Variants in GJB7 observed in about 807,000 individuals in gnomAD.
GJB7 encodes gap junction protein beta 7.
For missense variants in GJB7, 253 were observed against 256.8 expected (o/e 0.99, Z 0.10); for synonymous variants, 87 against 95.2 (o/e 0.91, Z 0.50).
At chr6:87,323,314 T>C (rs1200627946) in intron 1 of GJB7, among the ~76,000 whole-genome samples, 1 of 152,210 alleles carries the variant, frequency 6.6e-6, no homozygotes, top group Non-Finnish European at 1.5e-5. Context: ...AGGGTACATG[T>C]GCACAATGTG....
chr6:87,305,783 A>T (rs1256947565), intron 2 of GJB7, among the ~76,000 whole-genome samples: 2 of 152,234 alleles, frequency 1.3e-5, no homozygotes, highest in Non-Finnish European at 2.9e-5. Context: ...ACTATACTAC[A>T]AGGCTACGGT....
At chr6:87,316,591 C>T (rs558299140) in intron 2 of GJB7, among the ~76,000 whole-genome samples, 1 of 152,310 alleles carries the variant, frequency 6.6e-6, no homozygotes, top group African/African-American at 2.4e-5. Context: ...TGTAGGGGAG[C>T]TTGGCTGGTG....
chr6:87,315,929 A>T (rs1297092993), intron 2 of GJB7, among the ~76,000 whole-genome samples: 1 of 152,060 alleles, frequency 6.6e-6, no homozygotes, highest in African/African-American at 2.4e-5. Flanking sequence ...TTCCCATTAC[A>T]TATGGTAACA....
chr6:87,319,841 C>T (rs1776630687), intron 2 of GJB7, among the ~76,000 whole-genome samples: 1 of 152,090 alleles, frequency 6.6e-6, no homozygotes, highest in Non-Finnish European at 1.5e-5. Flanking sequence ...TACTATTCAG[C>T]CATAAAAAAC....
At chr6:87,307,661 C>A (rs1048331648) in intron 2 of GJB7, among the ~76,000 whole-genome samples, 1 of 152,162 alleles carries the variant, frequency 6.6e-6, no homozygotes, top group Non-Finnish European at 1.5e-5. Flanking sequence ...AAATACAAAT[C>A]AAAACCACAG....
intron 2 of GJB7, among the ~76,000 whole-genome samples, chr6:87,291,400 G>A (rs542982275): frequency 2.0e-5 from 3 of 152,272 alleles, no homozygotes; most frequent in East Asian, 1.9e-4. Context: ...GCCAACACAT[G>A]TGCATACACA....
chr6:87,301,989 T>C (rs1238463144), intron 2 of GJB7, among the ~76,000 whole-genome samples: 1 of 152,126 alleles, frequency 6.6e-6, no homozygotes, highest in Non-Finnish European at 1.5e-5. Flanking sequence ...GAAGGAAAAC[T>C]AACAAACACA....
Position 87,305,141 on chromosome 6 carries a change from C to T in GJB7, c.-28+17725G>A, listed in dbSNP as rs1776403753. On this transcript the variant is annotated intron_variant, in intron 2 of 2. Coordinates refer to ENST00000525899, the MANE Select transcript of GJB7 (RefSeq NM_198568.3). ...AAGATAGGTTTGCCCTCTCTCACCA[C>T]TCCTATTCAACATAGTGTTGGAAGT... Among the ~76,000 whole-genome samples the T allele has an allele frequency of 2.0e-5, 3 of 152,194 alleles. 1 individual carries two copies. In the South Asian group the frequency reaches 6.2e-4, roughly 31 times the overall value.
At chr6:87,293,613 C>A (rs1318888321) in intron 2 of GJB7, among the ~76,000 whole-genome samples, 1 of 152,118 alleles carries the variant, frequency 6.6e-6, no homozygotes, top group Non-Finnish European at 1.5e-5. Context: ...TGGCACTCAC[C>A]AGACTTTATC....
chr6:87,285,105 G>A (rs564883891), intron 2 of GJB7, among the ~76,000 whole-genome samples, 166 bp from the exon 3 acceptor site: 229 of 152,270 alleles, frequency 1.5e-3, no homozygotes, highest in African/African-American at 5.2e-3. Flanking sequence ...TACATACAAG[G>A]AGATGATACA....
intron 2 of GJB7, among the ~76,000 whole-genome samples, chr6:87,310,353 AT>A (rs1225280630): frequency 6.6e-6 from 1 of 152,228 alleles, no homozygotes; most frequent in Non-Finnish European, 1.5e-5. Context: ...TTTCATTAAA[AT>A]TAAGAACTTG....
chr6:87,323,608 C>A lies in GJB7; in HGVS notation c.-205-565G>T, dbSNP rs566840943. 1.4e-3 allele frequency among the ~76,000 whole-genome samples: 217 copies of A among 152,132 alleles called. 1 individual carries two copies. The highest frequency in any genetic ancestry group is 5.0e-3 in the African/African-American group (208 of 41,508). On this transcript the variant is annotated intron_variant, in intron 1 of 2. Transcript: ENST00000525899. ...GTCCCTACAAAGGACATGAACTCAT[C>A]ATTTTTTATGGCTGCATAGTATTAC...
intron 2 of GJB7, among the ~76,000 whole-genome samples, chr6:87,301,139 G>A (rs1182505582): frequency 2.0e-5 from 3 of 152,142 alleles, no homozygotes; most frequent in African/African-American, 7.2e-5. Flanking sequence ...ATTTCCAACT[G>A]AGGTACCGAG....
At chr6:87,309,848 T>C (rs1210245226) in intron 2 of GJB7, among the ~76,000 whole-genome samples, 1 of 152,132 alleles carries the variant, frequency 6.6e-6, no homozygotes, top group Non-Finnish European at 1.5e-5. Context: ...TTGTGACTAC[T>C]GGAGAGGTCA....
At chr6:87,298,984 T>C in intron 2 of GJB7, 1 of 471,254 alleles carries the variant, frequency 2.1e-6, no homozygotes, top group South Asian at 1.6e-5. Context: ...TAACAAAAGA[T>C]GGTGTGACTG....
intron 2 of GJB7, among the ~76,000 whole-genome samples, chr6:87,319,476 C>T (rs1206486855): frequency 3.3e-5 from 5 of 152,128 alleles, no homozygotes; most frequent in Admixed American, 2.0e-4. Flanking sequence ...TGACATGTTA[C>T]AGATCACTGA....
chr6:87,324,944 C>A (rs374859553), intron 1 of GJB7, among the ~76,000 whole-genome samples: 3 of 151,946 alleles, frequency 2.0e-5, no homozygotes, highest in Non-Finnish European at 4.4e-5. Context: ...CTTTTATTTC[C>A]TTGAGCAGTG....
In GJB7 at chr6:87,329,176, C is replaced by G. The variant is rs571724564; in HGVS notation, c.-244G>C. 1 of 155,880 alleles carries G rather than the reference C, an allele frequency of 6.4e-6. No individual in the cohort carries two copies. Among genetic ancestry groups the G allele is most frequent in the Admixed American group, 6.5e-5 (1 of 15,344 alleles). The allele number at this position is 155,880 out of a possible 1,614,324, so 9.7% of individuals were successfully genotyped here. The stretch of plus-strand genomic sequence containing the variant: ...CTGGCACTCCCTAGTGAGATGAACC[C>G]GGTACCTCGACTGGAAATGCAGAAA... On this transcript the variant is annotated 5_prime_UTR_variant, in exon 1 of 3. Coordinates refer to ENST00000525899, the MANE Select transcript of GJB7 (RefSeq NM_198568.3).
chr6:87,328,864 T>C (rs1355983839), intron 1 of GJB7, among the ~76,000 whole-genome samples: 1 of 152,188 alleles, frequency 6.6e-6, no homozygotes, highest in Non-Finnish European at 1.5e-5. Flanking sequence ...ACTGCCGCCT[T>C]GCAGTTTGAT....
Sources: gnomAD v4.1 joint callset for allele counts (sites outside exome capture counted in the v4.1 genomes callset) on GRCh38, gnomAD v4.1.1 for gene constraint, MANE v1.5 for transcripts, NCBI Gene and HGNC (gene_info 2026-07-23, HGNC 2026-07-21) for gene names.